The following ZEB2 variants were observed in gnomAD, a reference collection of about 807,000 sequenced individuals.
ZEB2 encodes zinc finger E-box-binding homeobox 2.
Under a neutral mutation model 99.9 loss-of-function variants are expected in ZEB2, and 6 were observed. The observed-to-expected ratio is 0.06, with a 90% CI of 0.03 to 0.12. The LOEUF (loss-of-function observed/expected upper bound fraction) is 0.12, where lower values mean the gene tolerates loss of function less well. ZEB2 is among the 10% of genes least tolerant of loss of function. The pLI is 1.00. For missense variants in ZEB2, 969 were observed against 1,502.8 expected, an observed-to-expected ratio of 0.64 and a Z score of 5.87; for synonymous variants, 517 against 542.5, an observed-to-expected ratio of 0.95 and a Z score of 0.65.
At chr2:144,503,177 T>C (rs999371050) in intron 2 of ZEB2, among the ~76,000 whole-genome samples, 1 of 152,226 alleles carries the variant, frequency 6.6e-6, no homozygotes, top group Non-Finnish European at 1.5e-5. Flanking sequence ...GTTTTAATGT[T>C]GGCTACACAG....
chr2:144,476,733 A>G (rs1704435480), intron 2 of ZEB2, among the ~76,000 whole-genome samples: 1 of 152,252 alleles, frequency 6.6e-6, no homozygotes, highest in Admixed American at 6.5e-5. Context: ...TTTGCAATTC[A>G]GAAGATGCTC....
At chr2:144,501,395 G>A (rs553883154) in intron 2 of ZEB2, among the ~76,000 whole-genome samples, 1 of 152,212 alleles carries the variant, frequency 6.6e-6, no homozygotes, top group Admixed American at 6.5e-5. Context: ...GATGTTCAAA[G>A]GAAACTATTT....
chr2:144,494,953 G>A (rs941455908), intron 2 of ZEB2: 2 of 152,030 alleles, frequency 1.3e-5, no homozygotes, highest in African/African-American at 4.8e-5. Context: ...CAAAAAGAAA[G>A]GAAAAAATGC....
intron 2 of ZEB2, among the ~76,000 whole-genome samples, chr2:144,483,117 G>GACACACAC (rs70985858): frequency 0.024 from 3,102 of 130,706 alleles, 68 homozygotes; most frequent in South Asian, 0.047. Flanking sequence ...GTTTAGGTAA[G>GACACACAC]ACACACACAC....
At chr2:144,400,925 G>C (rs961509627) in intron 7 of ZEB2, among the ~76,000 whole-genome samples, 3 of 151,988 alleles carry the variant, frequency 2.0e-5, no homozygotes, top group Non-Finnish European at 4.4e-5. Flanking sequence ...CTGGAGAAGC[G>C]GTTTTAAAAG....
rs1704204227 is a variant in ZEB2, at chr2:144,462,275, G to A, written c.74-32249C>T. 3.3e-5 allele frequency: 5 copies of A among 152,086 alleles called. No individual in the cohort carries two copies. The South Asian group carries it at 6.2e-4, about 19-fold the overall frequency. 9.4% of individuals were successfully genotyped at this position (152,086 alleles called of 1,614,324 possible). Reference sequence around the variant, plus strand: ...GAGAAGACAGCCTTCATTCAGACACGGAACTTGGGTGATGTTTTTCTTCCT... The same window carrying A: ...GAGAAGACAGCCTTCATTCAGACACAGAACTTGGGTGATGTTTTTCTTCCT... On this transcript the variant is annotated intron_variant, in intron 2 of 9. Coordinates refer to ENST00000627532, the MANE Select transcript of ZEB2 (RefSeq NM_014795.4).
Position 144,387,104 on chromosome 2 carries a change from C to T in ZEB2, c.*2347G>A, listed in dbSNP as rs1047873592. On this transcript the variant is annotated 3_prime_UTR_variant, in exon 10 of 10. Transcript: ENST00000627532. ...ACACTTTCTATTGAGTTTCAAGTTG[C>T]AAAGAATGACTTTTGTGAAATTTAG... is the stretch of plus-strand genomic sequence containing the variant. 5 of 149,792 alleles carry T rather than the reference C, an allele frequency of 3.3e-5. No homozygotes were observed. The highest frequency in any genetic ancestry group is 9.9e-5 in the African/African-American group (4 of 40,592). The allele number at this position is 149,792 out of a possible 1,614,324, so 9.3% of individuals were successfully genotyped here.
At chr2:144,438,603 A>AC (rs1031286495) in intron 2 of ZEB2, among the ~76,000 whole-genome samples, 4 of 152,106 alleles carry the variant, frequency 2.6e-5, no homozygotes, top group African/African-American at 9.7e-5. Context: ...CTTGCCTCTT[A>AC]CCCCAAAGAA....
At chr2:144,507,711 G>T (rs1704969977) in intron 2 of ZEB2, among the ~76,000 whole-genome samples, 1 of 152,134 alleles carries the variant, frequency 6.6e-6, no homozygotes, top group Non-Finnish European at 1.5e-5. Flanking sequence ...GGTCACAAAT[G>T]TACCATATCT....
At chr2:144,462,704 T>A (rs1336227035) in intron 2 of ZEB2, 2 of 152,182 alleles carry the variant, frequency 1.3e-5, no homozygotes, top group Non-Finnish European at 2.9e-5. Context: ...TCTTACTAAC[T>A]TCAATGCCCT....
At chr2:144,508,445 C>T (rs957137863) in intron 2 of ZEB2, among the ~76,000 whole-genome samples, 2 of 152,234 alleles carry the variant, frequency 1.3e-5, no homozygotes, top group South Asian at 2.1e-4. Context: ...CCTTTAATTC[C>T]GTCATGTCTC....
chr2:144,513,570 A>G lies in ZEB2; in HGVS notation c.73+3708T>C, dbSNP rs142586418. ...GGATTTGATTTTTGCTACAACGTGC[A>G]TGTCTCTGTGAGATTTTTCAGAGGC... On this transcript the variant is annotated intron_variant, in intron 2 of 9. Transcript: ENST00000627532. 4.6e-4 allele frequency: 702 copies of G among 1,529,464 alleles called. 2 individuals carry two copies. In the African/African-American group the frequency reaches 8.9e-3, roughly 19 times the overall value. 94.7% of individuals were successfully genotyped at this position (1,529,464 alleles called of 1,614,324 possible).
intron 2 of ZEB2, among the ~76,000 whole-genome samples, chr2:144,437,535 T>A (rs1290962211): frequency 6.6e-6 from 1 of 152,084 alleles, no homozygotes; most frequent in Non-Finnish European, 1.5e-5. Flanking sequence ...ACAGAAAAAA[T>A]ATGCTCACTA....
At chr2:144,432,506 G>T (rs116802038) in intron 2 of ZEB2, among the ~76,000 whole-genome samples, 119 of 152,094 alleles carry the variant, frequency 7.8e-4, no homozygotes, top group African/African-American at 2.7e-3. Context: ...GCTCTTTCTG[G>T]TTGACCATCT....
chr2:144,517,340 G>T lies in ZEB2; in HGVS notation c.11C>A (p.Pro4Gln). The stretch of plus-strand genomic sequence containing the variant: ...GCACCGGGGGCCATCCGCCATGATC[G>T]GCTGCTTCATTGATAAGAGCGGATC... MKQ[P>Q]IMADGPRCKR... Residue 4 changes from proline to glutamine, a missense_variant, in exon 2 of 10, where the codon CCG (proline) becomes CAG (glutamine). This residue lies in a region of ZEB2 where 173 missense variants were observed against 217.7 expected (regional missense o/e 0.79). Coordinates refer to ENST00000627532, the MANE Select transcript of ZEB2 (RefSeq NM_014795.4). 1 of 1,613,560 alleles carries T rather than the reference G, an allele frequency of 6.2e-7. No homozygotes were observed. The highest frequency in any genetic ancestry group is 1.1e-5 in the South Asian group (1 of 91,082).
Position 144,399,749 on chromosome 2 carries a change from C to G in ZEB2, c.1438G>C (p.Ala480Pro), listed in dbSNP as rs143854197. The G allele has an allele frequency of 1.2e-6, 2 of 1,613,790 alleles. No homozygotes were observed. The highest frequency in any genetic ancestry group is 1.7e-5 in the Admixed American group (1 of 59,950). ...TVSRQKMDCK[A>P]EEISKLKGYH... ...CCTTTCAACTTTGAAATTTCTTCAG[C>G]CTTGCAGTCCATTTTTTGCCTGGAA... The change falls in exon 8 of 10, where the codon GCT becomes CCT. Residue 480 changes from alanine to proline, a missense_variant. By Grantham distance (27) the Ala-to-Pro change is conservative (BLOSUM62 -1). Around this residue, in one of 8 missense-constraint regions of ZEB2, gnomAD observed 227 missense variants for 278.2 expected, o/e 0.82. Transcript: ENST00000627532. This position sits in a 1 kb window ranked among gnomAD's most constrained non-coding sequence, Gnocchi z 5.6.
At chr2:144,424,487 T>C in intron 4 of ZEB2, 1 of 566,528 alleles carries the variant, frequency 1.8e-6, no homozygotes, top group Non-Finnish European at 3.3e-6. Context: ...AATAATTTTT[T>C]GCAGTCTTTT....
Position 144,389,797 on chromosome 2 carries a change from T to G in ZEB2, c.3299A>C (p.His1100Pro). The change falls in exon 10 of 10, where the codon CAC becomes CCC. Residue 1100 changes from histidine to proline, a missense_variant. His to Pro is a moderately conservative substitution (Grantham distance 77). This residue lies in a region of ZEB2 where 121 missense variants were observed against 166.4 expected (regional missense o/e 0.73). Coordinates refer to ENST00000627532, the MANE Select transcript of ZEB2 (RefSeq NM_014795.4). The surrounding 1 kb of genome is among the most constrained non-coding windows in gnomAD (Gnocchi z 6.8). The stretch of plus-strand genomic sequence containing the variant: ...CATCAGCAGCTCGGTGGGTTCCAAG[T>G]GCCCTTTCTCGCGCGCCTCGCGCTC... Reference protein sequence around the residue: ...AAEREAREKGHLEPTELLMNR... With the variant: ...AAEREAREKGPLEPTELLMNR... 1 of 1,611,244 alleles carries G rather than the reference T, an allele frequency of 6.2e-7. No individual in the cohort carries two copies. The highest frequency in any genetic ancestry group is 8.5e-7 in the Non-Finnish European group (1 of 1,178,048).
At chr2:144,429,561 T>C in intron 3 of ZEB2, 1 of 739,242 alleles carries the variant, frequency 1.4e-6, no homozygotes. Flanking sequence ...AACTGAAATA[T>C]AATCCCTTCC....
Sources: allele counts gnomAD v4.1 joint callset (sites outside exome capture counted in the v4.1 genomes callset), GRCh38; gene constraint gnomAD v4.1.1; regional missense constraint gnomAD v4.1.1; non-coding constraint Gnocchi (gnomAD v3.1); transcripts MANE v1.5; gene names NCBI Gene and HGNC (gene_info 2026-07-23, HGNC 2026-07-21).